Variants in DLG2 observed in about 807,000 individuals in gnomAD.
DLG2 encodes discs large MAGUK scaffold protein 2.
DLG2 carries 45 observed loss-of-function variants against 132.5 expected under a neutral mutation model. The observed-to-expected ratio is 0.34, with a 90% CI of 0.27 to 0.44. The LOEUF (loss-of-function observed/expected upper bound fraction) is 0.44, where lower values mean the gene tolerates loss of function less well. Among genes scored for constraint, DLG2 ranks in the 20% least tolerant of loss-of-function variants. The pLI, the probability that DLG2 is intolerant of heterozygous loss-of-function variation, is 1.00. For missense variants in DLG2, 1,045 were observed against 1,196.9 expected, an observed-to-expected ratio of 0.87 and a Z score of 1.87; for synonymous variants, 424 against 419.6, an observed-to-expected ratio of 1.01 and a Z score of -0.13.
At chr11:85,462,347 C>A (rs978249663) in intron 3 of DLG2, among the ~76,000 whole-genome samples, 1 of 152,186 alleles carries the variant, frequency 6.6e-6, no homozygotes, top group Non-Finnish European at 1.5e-5. Flanking sequence ...AAGACACATG[C>A]ACACATATGT....
chr11:84,586,313 A>G (rs1390446780), intron 6 of DLG2, among the ~76,000 whole-genome samples: 1 of 152,206 alleles, frequency 6.6e-6, no homozygotes, highest in Non-Finnish European at 1.5e-5. Flanking sequence ...TGATTATATC[A>G]TGATCTTCTT....
chr11:84,523,090 A>G (rs1475984804), intron 7 of DLG2, among the ~76,000 whole-genome samples: 2 of 152,188 alleles, frequency 1.3e-5, no homozygotes, highest in Admixed American at 1.3e-4. Context: ...GAAGGACATC[A>G]AGGATGAGGA....
intron 19 of DLG2, among the ~76,000 whole-genome samples, chr11:83,614,318 G>A (rs528629834): frequency 2.0e-5 from 3 of 152,308 alleles, no homozygotes; most frequent in South Asian, 4.1e-4. Flanking sequence ...GTTTGAGGTC[G>A]AGTATGTGAA....
intron 6 of DLG2, among the ~76,000 whole-genome samples, chr11:84,701,355 T>C (rs549080856): frequency 4.0e-5 from 6 of 151,776 alleles, no homozygotes; most frequent in African/African-American, 7.2e-5. Flanking sequence ...TTCTTTAACA[T>C]GAGAACTATG....
At chr11:84,151,665 C>T (rs1233712538) in intron 9 of DLG2, among the ~76,000 whole-genome samples, 1 of 152,102 alleles carries the variant, frequency 6.6e-6, no homozygotes, top group Admixed American at 6.6e-5. Context: ...TTTCTAACTT[C>T]TTGATGTAGG....
chr11:83,525,285 TCAGA>T (rs2095578636), intron 21 of DLG2, among the ~76,000 whole-genome samples: 1 of 152,310 alleles, frequency 6.6e-6, no homozygotes, highest in African/African-American at 2.4e-5. Context: ...CACATCTTGA[TCAGA>T]CAGTTATCTG....
chr11:85,511,044 A>T (rs2094053809), intron 3 of DLG2, among the ~76,000 whole-genome samples: 1 of 152,132 alleles, frequency 6.6e-6, no homozygotes, highest in Admixed American at 6.5e-5. Flanking sequence ...ATGCAGCCAT[A>T]AAAAATGATG....
intron 6 of DLG2, among the ~76,000 whole-genome samples, chr11:84,548,329 G>C (rs547598854): frequency 6.6e-6 from 1 of 151,540 alleles, no homozygotes; most frequent in Non-Finnish European, 1.5e-5. Context: ...TGTGCACAAC[G>C]TGCAGGTTTG....
intron 18 of DLG2, among the ~76,000 whole-genome samples, chr11:83,777,374 C>T (rs2094623152): frequency 6.6e-6 from 1 of 152,278 alleles, no homozygotes. Context: ...AAGATGTATA[C>T]TTTCTATTTC....
intron 6 of DLG2, among the ~76,000 whole-genome samples, chr11:84,801,983 T>G (rs1320033092): frequency 6.6e-6 from 1 of 152,142 alleles, no homozygotes; most frequent in Admixed American, 6.5e-5. Flanking sequence ...ACTGACCAGT[T>G]TAAAAATTAC....
intron 4 of DLG2, among the ~76,000 whole-genome samples, chr11:85,166,288 A>T (rs539619173): frequency 6.6e-6 from 1 of 152,058 alleles, no homozygotes; most frequent in Admixed American, 6.6e-5. Context: ...TCACTACTCA[A>T]TGATTCTTCA....
At chr11:85,605,317 G>A (rs914353355) in intron 2 of DLG2, among the ~76,000 whole-genome samples, 4 of 151,888 alleles carry the variant, frequency 2.6e-5, no homozygotes, top group Non-Finnish European at 5.9e-5. Flanking sequence ...TAATCCTCCA[G>A]AAATGGAGAT....
intron 4 of DLG2, among the ~76,000 whole-genome samples, chr11:85,226,583 G>A (rs1252549633): frequency 3.3e-5 from 5 of 152,094 alleles, no homozygotes; most frequent in South Asian, 2.1e-4. Flanking sequence ...ATACAGACAC[G>A]ATAACAGAAA....
intron 3 of DLG2, among the ~76,000 whole-genome samples, chr11:85,533,253 G>A (rs1422828602): frequency 1.3e-5 from 2 of 151,782 alleles, no homozygotes; most frequent in Non-Finnish European, 2.9e-5. Flanking sequence ...CGAACTCCTG[G>A]CCTCAATCGA....
chr11:84,974,581 T>C (rs1369692466), intron 6 of DLG2, among the ~76,000 whole-genome samples: 2 of 152,182 alleles, frequency 1.3e-5, no homozygotes, highest in East Asian at 1.9e-4. Context: ...GAGAAAACTT[T>C]GCATGAACAA....
intron 7 of DLG2, among the ~76,000 whole-genome samples, chr11:84,294,927 A>G (rs2098068031): frequency 6.6e-6 from 1 of 152,218 alleles, no homozygotes; most frequent in African/African-American, 2.4e-5. Context: ...GGTAAAAGAA[A>G]CGTTAAATAG....
At chr11:84,062,652 G>A (rs998231342) in intron 10 of DLG2, among the ~76,000 whole-genome samples, 8 of 152,060 alleles carry the variant, frequency 5.3e-5, no homozygotes, top group Non-Finnish European at 2.9e-5. Flanking sequence ...GGTGAAAACA[G>A]GGACATAATT....
chr11:84,122,378 T>A (rs1369051193), intron 9 of DLG2, among the ~76,000 whole-genome samples: 2 of 152,278 alleles, frequency 1.3e-5, no homozygotes, highest in African/African-American at 4.8e-5. Context: ...TCTCAGTGCT[T>A]TCAGAGAACA....
At chr11:83,515,996 A>G (rs2095279319) in intron 21 of DLG2, among the ~76,000 whole-genome samples, 1 of 152,164 alleles carries the variant, frequency 6.6e-6, no homozygotes, top group Non-Finnish European at 1.5e-5. Flanking sequence ...AAGAATGTAT[A>G]TTCTGTTGAT....
Sources: gnomAD v4.1 joint callset for allele counts (sites outside exome capture counted in the v4.1 genomes callset) on GRCh38, gnomAD v4.1.1 for gene constraint, MANE v1.5 for transcripts, NCBI Gene and HGNC (gene_info 2026-07-23, HGNC 2026-07-21) for gene names.